The following XYLT1 variants were observed in gnomAD, a reference collection of about 807,000 sequenced individuals.
The protein encoded by XYLT1 is xylosyltransferase 1, also known as beta-D-xylosyltransferase 1.
A neutral mutation model predicts 91.3 loss-of-function variants in XYLT1; 36 were observed. The ratio of observed to expected loss-of-function variants is 0.39; its 90% CI spans 0.30 to 0.52. The LOEUF (loss-of-function observed/expected upper bound fraction) is 0.52, where lower values mean the gene tolerates loss of function less well. XYLT1 is among the 20% of genes least tolerant of loss of function. The pLI is 0.68. For missense variants in XYLT1, 1,242 were observed against 1,284.5 expected, an observed-to-expected ratio of 0.97 and a Z score of 0.51; for synonymous variants, 588 against 532.0, an observed-to-expected ratio of 1.11 and a Z score of -1.45.
At chr16:17,185,630 C>T (rs1240441366) in intron 5 of XYLT1, among the ~76,000 whole-genome samples, 1 of 152,196 alleles carries the variant, frequency 6.6e-6, no homozygotes, top group South Asian at 2.1e-4. Context: ...TGAAAGATGT[C>T]TCTCTCTCTC....
chr16:17,176,518 A>G (rs1233923234), intron 5 of XYLT1, among the ~76,000 whole-genome samples: 1 of 152,208 alleles, frequency 6.6e-6, no homozygotes, highest in Non-Finnish European at 1.5e-5. Context: ...CCTCAAGTGC[A>G]CACTTTCAAC....
chr16:17,396,731 C>T (rs760888748), intron 1 of XYLT1, among the ~76,000 whole-genome samples: 1 of 152,010 alleles, frequency 6.6e-6, no homozygotes, highest in Non-Finnish European at 1.5e-5. Context: ...ATTAGCCGGG[C>T]GTGGTGGCAG....
chr16:17,183,100 C>T (rs542065261), intron 5 of XYLT1, among the ~76,000 whole-genome samples: 5 of 152,204 alleles, frequency 3.3e-5, no homozygotes, highest in Non-Finnish European at 7.3e-5. Context: ...ACTTCAGGGT[C>T]AGCTAAGCCT....
intron 1 of XYLT1, among the ~76,000 whole-genome samples, chr16:17,383,398 C>T (rs2141885496): frequency 6.6e-6 from 1 of 151,948 alleles, no homozygotes; most frequent in South Asian, 2.1e-4. Flanking sequence ...ACTGCCACCA[C>T]GACTCTATCC....
At chr16:17,299,980 A>C (rs2034369991) in intron 2 of XYLT1, among the ~76,000 whole-genome samples, 2 of 152,266 alleles carry the variant, frequency 1.3e-5, no homozygotes, top group Middle Eastern at 6.8e-3. Flanking sequence ...ATGAGAACTG[A>C]AGTTCAAAAA....
chr16:17,348,950 C>T (rs1049315211), intron 2 of XYLT1, among the ~76,000 whole-genome samples: 2 of 152,334 alleles, frequency 1.3e-5, no homozygotes, highest in South Asian at 2.1e-4. Context: ...GCTGAGCCTC[C>T]GGCTCGTAAG....
chr16:17,268,748 C>T (rs1480113579), intron 2 of XYLT1, among the ~76,000 whole-genome samples: 1 of 151,242 alleles, frequency 6.6e-6, no homozygotes, highest in Admixed American at 6.6e-5. Context: ...TCTCGGCTCA[C>T]CGCAACCTCC....
intron 2 of XYLT1, among the ~76,000 whole-genome samples, chr16:17,333,239 TGATTAATCTA>T (rs950287855): frequency 1.7e-4 from 26 of 152,338 alleles, no homozygotes; most frequent in African/African-American, 5.5e-4. Context: ...AAAAAGAAAT[TGATTAATCTA>T]TTTGATTTAA....
chr16:17,197,181 T>C (rs2032446323), intron 5 of XYLT1, among the ~76,000 whole-genome samples: 1 of 151,864 alleles, frequency 6.6e-6, no homozygotes, highest in African/African-American at 2.4e-5. Flanking sequence ...CCTCACTTAC[T>C]CTGTTACAGC....
intron 1 of XYLT1, among the ~76,000 whole-genome samples, chr16:17,368,089 T>A (rs1459395719): frequency 6.6e-6 from 1 of 152,118 alleles, no homozygotes; most frequent in Non-Finnish European, 1.5e-5. Flanking sequence ...GTGCTTCGCG[T>A]CTGGAATGAC....
chr16:17,430,983 CTAG>C (rs2036383149), intron 1 of XYLT1, among the ~76,000 whole-genome samples: 1 of 152,034 alleles, frequency 6.6e-6, no homozygotes, highest in Non-Finnish European at 1.5e-5. Flanking sequence ...CATGAAAAAG[CTAG>C]TAATTTAAAA....
At chr16:17,179,405 C>A (rs2032016447) in intron 5 of XYLT1, among the ~76,000 whole-genome samples, 2 of 152,204 alleles carry the variant, frequency 1.3e-5, no homozygotes. Context: ...TTTGTTGATC[C>A]CTCGCCTGAT....
intron 5 of XYLT1, among the ~76,000 whole-genome samples, chr16:17,197,014 A>AAT (rs536988187): frequency 0.015 from 1,621 of 110,400 alleles, 160 homozygotes; most frequent in African/African-American, 0.052. Context: ...CTGTCTCCAA[A>AAT]ATATATATAT....
intron 2 of XYLT1, among the ~76,000 whole-genome samples, chr16:17,274,638 G>A (rs1391457205): frequency 1.3e-5 from 2 of 152,000 alleles, no homozygotes; most frequent in Non-Finnish European, 1.5e-5. Context: ...GCCTCACATG[G>A]TCTGGGGTCC....
intron 3 of XYLT1, among the ~76,000 whole-genome samples, chr16:17,219,309 A>C (rs930391079): frequency 6.7e-6 from 1 of 150,054 alleles, no homozygotes; most frequent in East Asian, 1.9e-4. Context: ...AAAGAAAAAG[A>C]AAAAAAAAGA....
At chr16:17,121,393 TG>T (rs2030049914) in intron 10 of XYLT1, among the ~76,000 whole-genome samples, 1 of 152,202 alleles carries the variant, frequency 6.6e-6, no homozygotes, top group Non-Finnish European at 1.5e-5. Flanking sequence ...GCCCTGCTGC[TG>T]TCACATCCTC....
chr16:17,230,242 C>T (rs1398463558), intron 3 of XYLT1, among the ~76,000 whole-genome samples: 2 of 152,126 alleles, frequency 1.3e-5, no homozygotes, highest in African/African-American at 4.8e-5. Flanking sequence ...AGAGCCAAAC[C>T]CACCAGGGCT....
intron 3 of XYLT1, among the ~76,000 whole-genome samples, chr16:17,213,382 T>C (rs1451503472): frequency 6.6e-6 from 1 of 152,216 alleles, no homozygotes; most frequent in East Asian, 1.9e-4. Flanking sequence ...TATTTCTTTA[T>C]AGCAATGGGA....
chr16:17,141,074 C>T, intron 7 of XYLT1, 79 bp downstream of exon 7: 1 of 1,456,252 alleles, frequency 6.9e-7, no homozygotes, highest in East Asian at 2.3e-5. Flanking sequence ...ATCTCTTTGC[C>T]AAAAATTCAG....
Sources: allele counts gnomAD v4.1 joint callset (sites outside exome capture counted in the v4.1 genomes callset), GRCh38; gene constraint gnomAD v4.1.1; transcripts MANE v1.5; gene names NCBI Gene and HGNC (gene_info 2026-07-23, HGNC 2026-07-21).